PTPN9: variants seen among roughly 807,000 people sequenced by gnomAD.
The protein encoded by PTPN9 is protein tyrosine phosphatase non-receptor type 9.
PTPN9 carries 26 observed loss-of-function variants against 69.8 expected under a neutral mutation model. The observed-to-expected ratio is 0.37, with a 90% CI of 0.27 to 0.52. The LOEUF (loss-of-function observed/expected upper bound fraction) is 0.52, where lower values mean the gene tolerates loss of function less well. Among genes scored for constraint, PTPN9 ranks in the 20% least tolerant of loss-of-function variants. The pLI is 0.91. For missense variants in PTPN9, 549 were observed against 740.3 expected (o/e 0.74, Z 3.00); for synonymous variants, 274 against 272.5 (o/e 1.01, Z -0.05).
At chr15:75,501,975 T>G (rs982872397) in intron 7 of PTPN9, among the ~76,000 whole-genome samples, 1 of 151,808 alleles carries the variant, frequency 6.6e-6, no homozygotes, top group Non-Finnish European at 1.5e-5. Flanking sequence ...CTGGGCAACA[T>G]GCCAAAACCC....
intron 1 of PTPN9, among the ~76,000 whole-genome samples, chr15:75,530,390 T>TTA (rs1234065519): frequency 1.7e-5 from 2 of 120,496 alleles, no homozygotes; most frequent in South Asian, 2.2e-4. Flanking sequence ...ATATATTACA[T>TTA]TATATATATT....
intron 1 of PTPN9, among the ~76,000 whole-genome samples, chr15:75,557,179 C>T (rs1279104860): frequency 1.3e-5 from 2 of 152,118 alleles, no homozygotes; most frequent in East Asian, 1.9e-4. Context: ...AATCCCAGCA[C>T]TTTGGGAGGT....
chr15:75,544,377 G>A (rs1170606948), intron 1 of PTPN9, among the ~76,000 whole-genome samples: 1 of 152,074 alleles, frequency 6.6e-6, no homozygotes, highest in Non-Finnish European at 1.5e-5. Context: ...CACAACATAT[G>A]AAAATAAATT....
chr15:75,534,204 C>T (rs1265672532), intron 1 of PTPN9, among the ~76,000 whole-genome samples: 1 of 152,152 alleles, frequency 6.6e-6, no homozygotes, highest in African/African-American at 2.4e-5. Flanking sequence ...ACTTGGTAGT[C>T]TCTGAATGGA....
chr15:75,491,082 C>T (rs1411490034), intron 7 of PTPN9, among the ~76,000 whole-genome samples: 1 of 151,762 alleles, frequency 6.6e-6, no homozygotes, highest in African/African-American at 2.4e-5. Flanking sequence ...GCACACCAGC[C>T]TGGGTGACGG....
rs577094399 is a variant in PTPN9, at chr15:75,561,455, T to C, written c.63+17259A>G. On this transcript the variant is annotated intron_variant, in intron 1 of 12. Transcript: ENST00000618819. Reference sequence around the variant, plus strand: ...AAAAAAAATGGGCAAAACGAAAGTATCATGGAAAAACAATTTCAAAAGCTG... The same window carrying C: ...AAAAAAAATGGGCAAAACGAAAGTACCATGGAAAAACAATTTCAAAAGCTG... Among the ~76,000 whole-genome samples the C allele has an allele frequency of 3.3e-5, 5 of 151,758 alleles. 1 individual carries two copies. In the South Asian group the frequency reaches 8.3e-4, roughly 25 times the overall value.
chr15:75,571,295 A>C (rs556341703), intron 1 of PTPN9, among the ~76,000 whole-genome samples: 3 of 152,138 alleles, frequency 2.0e-5, no homozygotes, highest in Non-Finnish European at 4.4e-5. Context: ...GAATATCATA[A>C]TAATGGCTAA....
chr15:75,531,026 C>G (rs1400497414), intron 1 of PTPN9, among the ~76,000 whole-genome samples: 1 of 145,714 alleles, frequency 6.9e-6, no homozygotes, highest in Non-Finnish European at 1.5e-5. Context: ...GCAACAAGTC[C>G]TACCTTACAA....
At chr15:75,506,340 T>C (rs1413932509) in intron 6 of PTPN9, among the ~76,000 whole-genome samples, 1 of 152,174 alleles carries the variant, frequency 6.6e-6, no homozygotes, top group Non-Finnish European at 1.5e-5. Context: ...TACTCTTTTT[T>C]TGGCCACTAA....
chr15:75,530,550 A>ATATAC lies in PTPN9; in HGVS notation c.64-3290_64-3289insGTATA, dbSNP rs1476646114. On this transcript the variant is annotated intron_variant, in intron 1 of 12. Coordinates refer to ENST00000618819, the MANE Select transcript of PTPN9 (RefSeq NM_002833.4). ...TATTATATAATATTATTATATTATA[A>ATATAC]TATATTATATATTATTATATTATAA... Among the ~76,000 whole-genome samples the ATATAC allele has an allele frequency of 4.8e-3, 130 of 26,914 alleles. 19 individuals carry two copies. Among genetic ancestry groups the ATATAC allele is most frequent in the Middle Eastern group, 0.048 (2 of 42 alleles). 17.7% of individuals were successfully genotyped at this position (26,914 alleles called of 152,430 possible). A position where few individuals can be genotyped will look rare whatever the true frequency, so the allele number is the denominator to read the frequency against.
At chr15:75,562,025 ATTAC>A (rs2075105988) in intron 1 of PTPN9, among the ~76,000 whole-genome samples, 1 of 151,940 alleles carries the variant, frequency 6.6e-6, no homozygotes, top group African/African-American at 2.4e-5. Context: ...TATTATTATT[ATTAC>A]TTGTGTAGAC....
chr15:75,578,739 G>A lies in PTPN9; in HGVS notation c.38C>T (p.Pro13Leu), dbSNP rs1406642954. The A allele has an allele frequency of 5.3e-6, 7 of 1,326,666 alleles. No individual in the cohort carries two copies. The highest frequency in any genetic ancestry group is 3.1e-5 in the African/African-American group (2 of 65,290). The allele number at this position is 1,326,666 out of a possible 1,614,324, so 82.2% of individuals were successfully genotyped here. Residue 13 changes from proline to leucine, a missense_variant, in exon 1 of 13, where the codon CCG (proline) becomes CTG (leucine). Pro to Leu is a moderately conservative substitution (Grantham distance 98, BLOSUM62 -3). Coordinates refer to ENST00000618819, the MANE Select transcript of PTPN9 (RefSeq NM_002833.4). ...CTGCTCCTCCTCCGGGGTCAGCTCC[G>A]GCGCCATGTCGGGCCGGGGCGCGGT... ...PATAPRPDMAPELTPEEEQAT... is the reference protein window; with the variant it reads ...PATAPRPDMALELTPEEEQAT...
At chr15:75,482,054 T>C (rs1595948213) in intron 8 of PTPN9, among the ~76,000 whole-genome samples, 1 of 149,344 alleles carries the variant, frequency 6.7e-6, no homozygotes, top group Non-Finnish European at 1.5e-5. Flanking sequence ...AATCGGATGG[T>C]TGCCGTGTCT....
intron 7 of PTPN9, among the ~76,000 whole-genome samples, chr15:75,496,470 C>T (rs1189874925): frequency 6.8e-6 from 1 of 147,720 alleles, no homozygotes; most frequent in Non-Finnish European, 1.5e-5. Flanking sequence ...TGAGCACCTA[C>T]AATAAAAGTC....
At chr15:75,507,079 C>T (rs1354007071) in intron 6 of PTPN9, among the ~76,000 whole-genome samples, 1 of 152,178 alleles carries the variant, frequency 6.6e-6, no homozygotes, top group Non-Finnish European at 1.5e-5. Flanking sequence ...TGAGTTTATA[C>T]ATGCATGTAT....
intron 1 of PTPN9, among the ~76,000 whole-genome samples, chr15:75,531,584 C>CT (rs373628925): frequency 5.8e-4 from 84 of 144,856 alleles, no homozygotes; most frequent in East Asian, 1.4e-3. Flanking sequence ...GTTTTTTCTG[C>CT]TTTTTTTTTT....
At chr15:75,562,554 G>A (rs944882442) in intron 1 of PTPN9, among the ~76,000 whole-genome samples, 17 of 152,012 alleles carry the variant, frequency 1.1e-4, no homozygotes, top group Middle Eastern at 3.2e-3. Context: ...ATCCTAGGCC[G>A]GGCGCGGTGG....
chr15:75,509,920 G>A (rs2074837750), intron 5 of PTPN9, among the ~76,000 whole-genome samples: 1 of 152,212 alleles, frequency 6.6e-6, no homozygotes, highest in African/African-American at 2.4e-5. Context: ...GGAAGTGGAG[G>A]TTGCAGTAAG....
chr15:75,541,401 T>TATTA (rs574490985), intron 1 of PTPN9, among the ~76,000 whole-genome samples: 1 of 150,290 alleles, frequency 6.7e-6, no homozygotes, highest in Non-Finnish European at 1.5e-5. Flanking sequence ...TTATTATTAT[T>TATTA]ATTAATTAAT....
Sources: allele counts gnomAD v4.1 joint callset (sites outside exome capture counted in the v4.1 genomes callset), GRCh38; gene constraint gnomAD v4.1.1; transcripts MANE v1.5; gene names NCBI Gene and HGNC (gene_info 2026-07-23, HGNC 2026-07-21).